Variants in TCF12 observed in about 807,000 individuals in gnomAD.
The protein encoded by TCF12 is DNA-binding protein HTF4.
TCF12 carries 45 observed loss-of-function variants against 86.0 expected under a neutral mutation model. The ratio of observed to expected loss-of-function variants is 0.52; its 90% CI spans 0.41 to 0.67. TCF12 has a LOEUF of 0.67. Ranked by LOEUF, TCF12 falls within the 30% of genes least tolerant of loss-of-function variation. The pLI is 0.00. For missense variants in TCF12, 881 were observed against 859.9 expected (o/e 1.02, Z -0.31); for synonymous variants, 330 against 299.6 (o/e 1.10, Z -1.05).
At chr15:57,195,590 A>G (rs1178049894) in intron 7 of TCF12, among the ~76,000 whole-genome samples, 2 of 152,212 alleles carry the variant, frequency 1.3e-5, no homozygotes, top group African/African-American at 2.4e-5. Context: ...TCAGAAATGA[A>G]TACTTCCCCC....
chr15:57,146,578 CAA>C (rs2053380125), intron 5 of TCF12, among the ~76,000 whole-genome samples: 1 of 152,038 alleles, frequency 6.6e-6, no homozygotes, highest in East Asian at 1.9e-4. Flanking sequence ...GCAGAAATAC[CAA>C]GACACAAGGG....
intron 3 of TCF12, among the ~76,000 whole-genome samples, chr15:56,942,033 GGTTTT>G (rs2060802158): frequency 6.6e-6 from 1 of 152,022 alleles, no homozygotes; most frequent in South Asian, 2.1e-4. Context: ...TGGTAGAGTT[GGTTTT>G]GTTTTGTTTT....
At chr15:56,956,281 G>T (rs1181059937) in intron 3 of TCF12, among the ~76,000 whole-genome samples, 1 of 150,278 alleles carries the variant, frequency 6.7e-6, no homozygotes, top group African/African-American at 2.4e-5. Flanking sequence ...TGTGTTCTTT[G>T]GTTCCCTTTT....
intron 16 of TCF12, among the ~76,000 whole-genome samples, chr15:57,260,876 G>T (rs1191162696): frequency 2.0e-5 from 3 of 152,120 alleles, no homozygotes; most frequent in Non-Finnish European, 4.4e-5. Flanking sequence ...AAAATAATTT[G>T]TTCTCTTGAA....
intron 8 of TCF12, among the ~76,000 whole-genome samples, chr15:57,202,179 A>G (rs1450518135): frequency 6.6e-6 from 1 of 152,208 alleles, no homozygotes; most frequent in East Asian, 1.9e-4. Context: ...AATCACACAT[A>G]GGGCCAAGAT....
intron 3 of TCF12, among the ~76,000 whole-genome samples, chr15:56,931,258 C>A (rs1368853547): frequency 2.6e-5 from 4 of 152,064 alleles, no homozygotes; most frequent in Non-Finnish European, 5.9e-5. Context: ...GAGTAGTCCA[C>A]CCAATACATT....
chr15:56,923,188 C>T (rs1430713633), intron 3 of TCF12, among the ~76,000 whole-genome samples: 1 of 151,908 alleles, frequency 6.6e-6, no homozygotes, highest in East Asian at 1.9e-4. Flanking sequence ...TCTTATTTGT[C>T]CTTTTTGAGG....
chr15:57,166,303 T>C (rs1596986947), intron 5 of TCF12, 99 bp from the exon 6 acceptor site: 3 of 974,500 alleles, frequency 3.1e-6, no homozygotes, highest in Admixed American at 2.5e-5. Flanking sequence ...GTTCTTTCTA[T>C]TTTAAAACTG....
chr15:57,281,265 C>T (rs1295984674), intron 19 of TCF12, among the ~76,000 whole-genome samples: 5 of 152,170 alleles, frequency 3.3e-5, no homozygotes, highest in South Asian at 2.1e-4. Context: ...ACAGATCCCA[C>T]GCAGTCTTGT....
At chr15:57,156,583 T>C (rs1316399440) in intron 5 of TCF12, among the ~76,000 whole-genome samples, 1 of 152,228 alleles carries the variant, frequency 6.6e-6, no homozygotes, top group Non-Finnish European at 1.5e-5. Context: ...ATACACTATT[T>C]TAGAGCACAG....
chr15:57,024,430 T>A (rs1424016383), intron 3 of TCF12, among the ~76,000 whole-genome samples: 1 of 152,110 alleles, frequency 6.6e-6, no homozygotes, highest in African/African-American at 2.4e-5. Flanking sequence ...GCTAGGCTGG[T>A]CTTGAACTCC....
intron 3 of TCF12, among the ~76,000 whole-genome samples, chr15:56,967,950 G>A (rs1422961437): frequency 6.6e-6 from 1 of 151,992 alleles, no homozygotes; most frequent in Non-Finnish European, 1.5e-5. Flanking sequence ...TGCTAATTAT[G>A]TTTGTTTGTT....
intron 6 of TCF12, among the ~76,000 whole-genome samples, chr15:57,180,199 C>T (rs776573609): frequency 2.1e-4 from 32 of 151,806 alleles, no homozygotes; most frequent in Non-Finnish European, 4.0e-4. Context: ...TTATTAAAGC[C>T]CAACATTTAT....
At chr15:57,039,591 A>G (rs1469050538) in intron 3 of TCF12, among the ~76,000 whole-genome samples, 2 of 152,034 alleles carry the variant, frequency 1.3e-5, no homozygotes, top group Admixed American at 1.3e-4. Flanking sequence ...ATTTTATCAT[A>G]GCTTCAGCTT....
chr15:57,158,158 C>A (rs1240808871), intron 5 of TCF12, among the ~76,000 whole-genome samples: 1 of 150,298 alleles, frequency 6.7e-6, no homozygotes, highest in Non-Finnish European at 1.5e-5. Context: ...AATACTTCAT[C>A]ACAGATGTTA....
At chr15:57,115,425 C>T (rs1397886068) in intron 5 of TCF12, among the ~76,000 whole-genome samples, 2 of 152,094 alleles carry the variant, frequency 1.3e-5, no homozygotes, top group Admixed American at 6.5e-5. Flanking sequence ...ACATTAGTGG[C>T]ATTAGCATCT....
chr15:57,161,114 G>T (rs150406699), intron 5 of TCF12, among the ~76,000 whole-genome samples: 3,455 of 152,296 alleles, frequency 0.023, 55 homozygotes, highest in Non-Finnish European at 0.036. Flanking sequence ...TTGTAATTGA[G>T]ATGGGGAGAA....
intron 5 of TCF12, among the ~76,000 whole-genome samples, chr15:57,123,725 G>T (rs2051404349): frequency 1.3e-5 from 2 of 151,858 alleles, no homozygotes; most frequent in South Asian, 4.1e-4. Context: ...GCCGAGGCGG[G>T]TGGATCACGA....
At chr15:57,016,519 G>A (rs1320312270) in intron 3 of TCF12, among the ~76,000 whole-genome samples, 1 of 152,144 alleles carries the variant, frequency 6.6e-6, no homozygotes, top group Admixed American at 6.6e-5. Context: ...GTTCCTGTTT[G>A]TAGTAGCCTT....
Sources: gnomAD v4.1 joint callset for allele counts (sites outside exome capture counted in the v4.1 genomes callset) on GRCh38, gnomAD v4.1.1 for gene constraint, MANE v1.5 for transcripts, NCBI Gene and HGNC (gene_info 2026-07-23, HGNC 2026-07-21) for gene names.